CLK2: variants seen among roughly 807,000 people sequenced by gnomAD.
CLK2 encodes the protein CDC like kinase 2.
CLK2 carries 12 observed loss-of-function variants against 73.5 expected under a neutral mutation model. The ratio of observed to expected loss-of-function variants is 0.16; its 90% CI spans 0.10 to 0.26. The LOEUF (loss-of-function observed/expected upper bound fraction) is 0.26. CLK2 is among the 10% of genes least tolerant of loss of function. CLK2 has a pLI of 1.00. For synonymous variants in CLK2, 232 were observed against 237.9 expected (o/e 0.98, Z 0.23); for missense variants, 509 against 688.4 (o/e 0.74, Z 2.92).
chr1:155,271,635 C>T (rs1302636838), intron 1 of CLK2, among the ~76,000 whole-genome samples: 1 of 152,224 alleles, frequency 6.6e-6, no homozygotes, highest in African/African-American at 2.4e-5. Flanking sequence ...GAGACTGCCA[C>T]AGTGTATCCC....
At chr1:155,267,695 C>T (rs761875701) in intron 6 of CLK2, among the ~76,000 whole-genome samples, 1 of 152,194 alleles carries the variant, frequency 6.6e-6, no homozygotes, top group African/African-American at 2.4e-5. Context: ...CTTATAAAAG[C>T]TTAATTCATT....
intron 6 of CLK2, among the ~76,000 whole-genome samples, chr1:155,267,745 G>A (rs1015084145): frequency 5.3e-5 from 8 of 152,196 alleles, no homozygotes; most frequent in Non-Finnish European, 1.2e-4. Flanking sequence ...GCTATGTCCA[G>A]GGTATATCTC....
rs1351848972 is a variant in CLK2, at chr1:155,264,548, A to G, written c.1066T>C (p.Leu356=). ...ACATCACAAGGCTGTGACCAGCCCA[A>G]CTCTGGGTGAGAATGGGAGGGAAAA... ...HYRAPEVILE[L]GWSQPCDVWS... The change falls in exon 10 of 13, where the codon TTG becomes CTG. Residue 356 remains leucine, a splice_region_variant and synonymous_variant. Coordinates refer to ENST00000368361, the MANE Select transcript of CLK2 (RefSeq NM_001294338.2). 1.2e-6 allele frequency: 2 copies of G among 1,614,232 alleles called. No individual in the cohort carries two copies. The highest frequency in any genetic ancestry group is 2.2e-5 in the South Asian group (2 of 91,084).
At chr1:155,266,924 T>G in intron 6 of CLK2, 29 bp from the exon 7 acceptor site, 1 of 1,610,484 alleles carries the variant, frequency 6.2e-7, no homozygotes, top group Admixed American at 1.7e-5. Context: ...GAAGGGGGGT[T>G]GTCTGATGAG....
At chr1:155,267,418 T>C (rs1673281502) in intron 6 of CLK2, among the ~76,000 whole-genome samples, 1 of 152,186 alleles carries the variant, frequency 6.6e-6, no homozygotes, top group African/African-American at 2.4e-5. Context: ...CCTGCGTCAT[T>C]TTAAATAGTT....
At chr1:155,271,771 T>C (rs1433279360) in intron 1 of CLK2, among the ~76,000 whole-genome samples, 1 of 152,228 alleles carries the variant, frequency 6.6e-6, no homozygotes, top group Non-Finnish European at 1.5e-5. Flanking sequence ...TCTCCTCAAG[T>C]AGACTATCAG....
chr1:155,268,710 C>T lies in CLK2; in HGVS notation c.485G>A (p.Arg162Gln). The change falls in exon 4 of 13, where the codon CGA (arginine) becomes CAA (glutamine). Residue 162 changes from arginine (R) to glutamine (Q), a missense_variant and splice_region_variant. Arg to Gln is a conservative substitution (Grantham distance 43, BLOSUM62 1). This residue lies in a region of CLK2 where 76 missense variants were observed against 126.4 expected (regional missense o/e 0.60). Transcript: ENST00000368361. This position sits in a 1 kb window ranked among gnomAD's most constrained non-coding sequence, Gnocchi z 5.6. ...GATTGTTACGATTTGGCTTGTACAT[C>T]GCTCTTGTAGCCAGTCCCCGACGTG... Reference protein sequence around the residue: ...IYHVGDWLQERYEIVSTLGEG... With the variant: ...IYHVGDWLQEQYEIVSTLGEG... 4 of 1,613,772 alleles carry T rather than the reference C, an allele frequency of 2.5e-6. No individual in the cohort carries two copies. The highest frequency in any genetic ancestry group is 1.3e-5 in the African/African-American group (1 of 74,968).
At position 155,263,101 on chromosome 1, in the gene CLK2, TAGAG is replaced by T; in HGVS notation, c.*113_*116del. 1.0e-6 allele frequency: 1 copy of T among 961,588 alleles called. No individual in the cohort carries two copies. Among genetic ancestry groups the T allele is most frequent in the Non-Finnish European group, 1.5e-6 (1 of 662,340 alleles). The allele number at this position is 961,588 out of a possible 1,614,324, so 59.6% of individuals were successfully genotyped here. On this transcript the variant is annotated 3_prime_UTR_variant, in exon 13 of 13. Transcript: ENST00000368361. ...ACTATTTCACATATTCACAGGTATA[TAGAG>T]AGCCAGGAGGAAGGAGTGAACTCTG...
chr1:155,269,465 G>C (rs369733663), intron 3 of CLK2, 23 bp downstream of exon 3: 1 of 1,605,834 alleles, frequency 6.2e-7, no homozygotes, highest in Non-Finnish European at 8.5e-7. Context: ...GTGGGGAGAG[G>C]AAGGGCCTGG....
rs1296093007 is a variant in CLK2, at chr1:155,263,546, C to T, written c.1318-146G>A. Reference sequence around the variant, plus strand: ...CTAACCACGACCACACCAGGACCAACGTTTCTGATATTATAGCTCAACCTA... The same window carrying T: ...CTAACCACGACCACACCAGGACCAATGTTTCTGATATTATAGCTCAACCTA... On this transcript the variant is annotated intron_variant, in intron 12 of 12. Coordinates refer to ENST00000368361, the MANE Select transcript of CLK2 (RefSeq NM_001294338.2). The T allele has an allele frequency of 2.8e-6, 4 of 1,439,560 alleles. No homozygotes were observed. The African/African-American group carries it at 4.3e-5, about 15-fold the overall frequency. 89.2% of individuals were successfully genotyped at this position (1,439,560 alleles called of 1,614,324 possible).
rs761402681 is a variant in CLK2, at chr1:155,270,904, C to T, written c.74G>A (p.Arg25Gln). 1.6e-5 allele frequency: 26 copies of T among 1,614,062 alleles called. No homozygotes were observed. Among genetic ancestry groups the T allele is most frequent in the East Asian group, 2.2e-5 (1 of 44,896 alleles). ...RGSYREHYRS[R>Q]KHKRRRSRSW... ...GCGACTTCTTCGTCGCTTATGCTTT[C>T]GGCTCCGATAGTGTTCACGGTAACT... Residue 25 changes from arginine to glutamine, a missense_variant, in exon 2 of 13, where the codon CGA becomes CAA. Around this residue, in one of 6 missense-constraint regions of CLK2, gnomAD observed 222 missense variants for 221.7 expected, o/e 1.00. Coordinates refer to ENST00000368361, the MANE Select transcript of CLK2 (RefSeq NM_001294338.2).
intron 12 of CLK2, 48 bp downstream of exon 12, chr1:155,263,902 G>A: frequency 2.6e-6 from 4 of 1,564,916 alleles, no homozygotes; most frequent in Non-Finnish European, 3.5e-6. Context: ...CCCTAAGAAG[G>A]AAGTGACTTC....
chr1:155,269,554 C>T lies in CLK2; in HGVS notation c.333G>A (p.Gln111=). Reference sequence around the variant, plus strand: ...GTCTGTGCTTCCTCCGGCTGCTGCGCTGGCTGCGGTAACTGCTGTTCTCCC... The same window carrying T: ...GTCTGTGCTTCCTCCGGCTGCTGCGTTGGCTGCGGTAACTGCTGTTCTCCC... ...YQRENSSYRS[Q]RSSRRKHRRR... is the part of the protein sequence containing the mutation. Residue 111 remains glutamine, a synonymous_variant, in exon 3 of 13, where the codon CAG becomes CAA. Transcript: ENST00000368361. The T allele has an allele frequency of 6.2e-7, 1 of 1,614,214 alleles. No individual in the cohort carries two copies. The highest frequency in any genetic ancestry group is 8.5e-7 in the Non-Finnish European group (1 of 1,180,052).
Position 155,264,748 on chromosome 1 carries a change from G to A in CLK2, c.960C>T (p.Ser320=), listed in dbSNP as rs1410055217. ...EKKRDERSVK[S]TAVRVVDFGS... The stretch of plus-strand genomic sequence containing the variant: ...CAAAGTCTACCACCCGCACAGCTGT[G>A]CTCTTCACACTGCGCTCATCTCGCT... The change falls in exon 9 of 13, where the codon AGC becomes AGT. Residue 320 remains serine (S), a synonymous_variant. Transcript: ENST00000368361. The A allele has an allele frequency of 5.0e-6, 8 of 1,614,112 alleles. No individual in the cohort carries two copies. The highest frequency in any genetic ancestry group is 6.8e-6 in the Non-Finnish European group (8 of 1,180,046).
intron 7 of CLK2, 85 bp from the exon 8 acceptor site, chr1:155,266,039 G>T: frequency 1.1e-6 from 1 of 875,974 alleles, no homozygotes; most frequent in Non-Finnish European, 2.0e-6. Context: ...GTTACCTAGG[G>T]CAAAGCCAGT....
chr1:155,267,032 A>C, intron 6 of CLK2, 137 bp from the exon 7 acceptor site: 1 of 921,620 alleles, frequency 1.1e-6, no homozygotes, highest in Non-Finnish European at 1.6e-6. Context: ...TAACACCAAA[A>C]TTCAGTTCAG....
Position 155,265,776 on chromosome 1 carries a change from G to A in CLK2, c.933+84C>T. The A allele has an allele frequency of 3.3e-6, 3 of 898,606 alleles. No individual in the cohort carries two copies. The Admixed American group carries it at 5.1e-5, about 15-fold the overall frequency. The allele number at this position is 898,606 out of a possible 1,614,324, so 55.7% of individuals were successfully genotyped here. ...GAAAATGTGGGAGGACGAAATAAAA[G>A]GGAGAAAACAAAGGGCTCGGCAGAA... On this transcript the variant is annotated intron_variant, in intron 8 of 12. Coordinates refer to ENST00000368361, the MANE Select transcript of CLK2 (RefSeq NM_001294338.2).
chr1:155,263,765 ACCT>A (rs1673096535), intron 12 of CLK2, 182 bp downstream of exon 12: 1 of 974,964 alleles, frequency 1.0e-6, no homozygotes. Context: ...AGGCTGTCTA[ACCT>A]CCTTCCCTCC....
chr1:155,268,367 G>C lies in CLK2; in HGVS notation c.488-8C>G. Reference sequence around the variant, plus strand: ...AGGTGCTAACGATTTCATCTGAAATGAAAGAGAGCAGGGTCGGGGAGAGGG... The same window carrying C: ...AGGTGCTAACGATTTCATCTGAAATCAAAGAGAGCAGGGTCGGGGAGAGGG... On this transcript the variant is annotated splice_region_variant and splice_polypyrimidine_tract_variant and intron_variant, in intron 4 of 12. Coordinates refer to ENST00000368361, the MANE Select transcript of CLK2 (RefSeq NM_001294338.2). This position sits in a 1 kb window ranked among gnomAD's most constrained non-coding sequence, Gnocchi z 5.6. 2 of 1,613,642 alleles carry C rather than the reference G, an allele frequency of 1.2e-6. No homozygotes were observed. Among genetic ancestry groups the C allele is most frequent in the South Asian group, 1.1e-5 (1 of 91,072 alleles).
Sources: gnomAD v4.1 joint callset for allele counts (sites outside exome capture counted in the v4.1 genomes callset) on GRCh38, gnomAD v4.1.1 for gene constraint, gnomAD v4.1.1 regional missense constraint, Gnocchi (gnomAD v3.1) non-coding constraint, MANE v1.5 for transcripts, NCBI Gene and HGNC (gene_info 2026-07-23, HGNC 2026-07-21) for gene names.